G2E3: variants seen among roughly 807,000 people sequenced by gnomAD.
The protein encoded by G2E3 is G2/M-phase specific E3 ubiquitin protein ligase, also known as G2/M phase-specific E3 ubiquitin-protein ligase.
A neutral mutation model predicts 92.8 loss-of-function variants in G2E3; 35 were observed. That is an observed-to-expected ratio of 0.38 (90% CI 0.29 to 0.50). G2E3 has a LOEUF of 0.50. Among genes scored for constraint, G2E3 ranks in the 20% least tolerant of loss-of-function variants. G2E3 has a pLI of 0.94. For missense variants in G2E3, 554 were observed against 823.8 expected, an observed-to-expected ratio of 0.67 and a Z score of 4.01; for synonymous variants, 242 against 272.4, an observed-to-expected ratio of 0.89 and a Z score of 1.10.
chr14:30,587,682 C>T (rs184961259), intron 3 of G2E3, among the ~76,000 whole-genome samples: 7 of 152,194 alleles, frequency 4.6e-5, no homozygotes, highest in Admixed American at 2.6e-4. Context: ...CTCAATTTCT[C>T]CTAGCTAGCG....
intron 14 of G2E3, 43 bp downstream of exon 14, chr14:30,615,582 T>C (rs1373355145): frequency 8.1e-7 from 1 of 1,233,792 alleles, no homozygotes; most frequent in Non-Finnish European, 1.1e-6. Flanking sequence ...CTCAGAATAT[T>C]TGTTTCAGCA....
rs559715585 is a variant in G2E3 at position 30,609,162 on chromosome 14, TAA to T, written c.1500+1094_1500+1095del. Among the ~76,000 whole-genome samples the T allele has an allele frequency of 1.9e-3, 291 of 152,348 alleles. 1 individual carries two copies. Among genetic ancestry groups the T allele is most frequent in the African/African-American group, 6.6e-3 (275 of 41,584 alleles). On this transcript the variant is annotated intron_variant, in intron 12 of 14. Coordinates refer to ENST00000206595, the MANE Select transcript of G2E3 (RefSeq NM_017769.5). Reference sequence around the variant, plus strand: ...TTACAACAATTCTGTTTATTTGCCCTAAGACTGCTTATCCTAACATCATGTTT... The same window carrying T: ...TTACAACAATTCTGTTTATTTGCCCTGACTGCTTATCCTAACATCATGTTT...
At position 30,575,136 on chromosome 14, in the gene G2E3, A is replaced by G. The variant is rs1328139973; in HGVS notation, c.-4-5940A>G. On this transcript the variant is annotated intron_variant, in intron 1 of 14. Coordinates refer to ENST00000206595, the MANE Select transcript of G2E3 (RefSeq NM_017769.5). ...GCCATTCTGACTGGTGTGAGATGGT[A>G]TCTCATTGTAGTTTTGATTTGCATT... is the stretch of plus-strand genomic sequence containing the variant. Among the ~76,000 whole-genome samples, 7 of 152,158 alleles carry G rather than the reference A, an allele frequency of 4.6e-5. No individual in the cohort carries two copies. The East Asian group carries it at 7.7e-4, about 17-fold the overall frequency.
Position 30,575,185 on chromosome 14 carries a change from G to A in G2E3, c.-4-5891G>A, listed in dbSNP as rs375933207. On this transcript the variant is annotated intron_variant, in intron 1 of 14. Coordinates refer to ENST00000206595, the MANE Select transcript of G2E3 (RefSeq NM_017769.5). ...TTTCTCTAATGATTAGTGATGTTGA[G>A]CTTTTTTTCATATGCCTGTTGGTCG... is the stretch of plus-strand genomic sequence containing the variant. Among the ~76,000 whole-genome samples the A allele has an allele frequency of 3.0e-4, 45 of 152,148 alleles. 1 individual carries two copies. The highest frequency in any genetic ancestry group is 1.1e-3 in the African/African-American group (45 of 41,514).
intron 5 of G2E3, among the ~76,000 whole-genome samples, chr14:30,593,181 AATG>A: frequency 6.6e-6 from 1 of 152,278 alleles, no homozygotes; most frequent in South Asian, 2.1e-4. Flanking sequence ...TGAATACAAT[AATG>A]TATATACTGT....
intron 1 of G2E3, among the ~76,000 whole-genome samples, chr14:30,567,479 A>G (rs183156009): frequency 1.5e-4 from 23 of 152,038 alleles, no homozygotes; most frequent in African/African-American, 4.8e-4. Context: ...TTTTATTTGT[A>G]TTAGGTCTGT....
Position 30,602,196 on chromosome 14 carries a change from C to A in G2E3, c.1010+65C>A, listed in dbSNP as rs570859932. On this transcript the variant is annotated intron_variant, in intron 10 of 14. Transcript: ENST00000206595. ...TGGAGAAAATTATGATAGGAAATGC[C>A]ATATACATTTAGAATATTAGGTGAT... 7,080 of 1,268,362 alleles carry A rather than the reference C, an allele frequency of 5.6e-3. 32 individuals carry two copies. Among genetic ancestry groups the A allele is most frequent in the Non-Finnish European group, 7.2e-3 (6,379 of 891,670 alleles). 78.6% of individuals were successfully genotyped at this position (1,268,362 alleles called of 1,614,324 possible).
chr14:30,616,057 T>G (rs186040404), intron 14 of G2E3, among the ~76,000 whole-genome samples: 1 of 152,300 alleles, frequency 6.6e-6, no homozygotes, highest in East Asian at 1.9e-4. Context: ...AATAAGTAGT[T>G]GTACTAAATG....
At chr14:30,594,200 T>C (rs1457176259) in intron 6 of G2E3, among the ~76,000 whole-genome samples, 2 of 152,214 alleles carry the variant, frequency 1.3e-5, no homozygotes, top group Non-Finnish European at 2.9e-5. Flanking sequence ...ATTAGACAAT[T>C]TAATAATTCT....
intron 2 of G2E3, among the ~76,000 whole-genome samples, chr14:30,584,948 C>T (rs1880625970): frequency 1.3e-5 from 2 of 151,002 alleles, no homozygotes; most frequent in Admixed American, 1.3e-4. Flanking sequence ...TCTTCTTCCT[C>T]AGCCTCCCGA....
At chr14:30,574,988 G>A (rs1879989744) in intron 1 of G2E3, among the ~76,000 whole-genome samples, 1 of 152,076 alleles carries the variant, frequency 6.6e-6, no homozygotes, top group African/African-American at 2.4e-5. Flanking sequence ...TTTGCTCTTT[G>A]TGGATTGCCA....
intron 6 of G2E3, among the ~76,000 whole-genome samples, chr14:30,595,443 C>G (rs1230167420): frequency 6.6e-6 from 1 of 152,140 alleles, no homozygotes; most frequent in Non-Finnish European, 1.5e-5. Flanking sequence ...GAAAGGTTCT[C>G]ATACTTGACC....
At chr14:30,560,051 T>G (rs959539058) in intron 1 of G2E3, 3 of 152,158 alleles carry the variant, frequency 2.0e-5, no homozygotes, top group African/African-American at 7.2e-5. Context: ...TATGGAGTCT[T>G]TTTGGAAGTA....
intron 5 of G2E3, among the ~76,000 whole-genome samples, chr14:30,593,200 T>C (rs1472452315): frequency 6.6e-6 from 1 of 152,160 alleles, no homozygotes; most frequent in East Asian, 1.9e-4. Flanking sequence ...ACTGTATTGC[T>C]GACAATATTA....
Position 30,602,132 on chromosome 14 carries a change from G to A in G2E3, c.1010+1G>A. 6 of 1,591,896 alleles carry A rather than the reference G, an allele frequency of 3.8e-6. No homozygotes were observed. The highest frequency in any genetic ancestry group is 5.1e-6 in the Non-Finnish European group (6 of 1,171,570). ...GATCCCAGAGTAAAGATCTACTGAG[G>A]TATGTATTTTGAATTGGAGAAATAC... On this transcript the variant is annotated splice_donor_variant, in intron 10 of 14. Transcript: ENST00000206595. LOFTEE classifies it high-confidence loss of function.
chr14:30,600,693 C>T (rs1445519990), intron 8 of G2E3, among the ~76,000 whole-genome samples: 3 of 152,128 alleles, frequency 2.0e-5, no homozygotes, highest in Non-Finnish European at 2.9e-5. Flanking sequence ...TGTAATCTCA[C>T]GCCCTCTCAT....
chr14:30,589,913 C>T (rs1286474265), intron 4 of G2E3, among the ~76,000 whole-genome samples: 3 of 152,064 alleles, frequency 2.0e-5, no homozygotes, highest in Non-Finnish European at 4.4e-5. Context: ...TTAGAAATTA[C>T]ACAGCTTTCC....
intron 13 of G2E3, among the ~76,000 whole-genome samples, chr14:30,614,577 A>T (rs1869402454): frequency 6.6e-6 from 1 of 152,218 alleles, no homozygotes; most frequent in African/African-American, 2.4e-5. Context: ...CATTGCTGTT[A>T]TACTGGCCAT....
Position 30,618,856 on chromosome 14 carries a change from C to A in G2E3, c.*2322C>A, listed in dbSNP as rs796659116. The A allele has an allele frequency of 1.7e-4, 26 of 151,976 alleles. No homozygotes were observed. Among genetic ancestry groups the A allele is most frequent in the African/African-American group, 6.3e-4 (26 of 41,496 alleles). 9.4% of individuals were successfully genotyped at this position (151,976 alleles called of 1,614,324 possible). Reference sequence around the variant, plus strand: ...TTAATTTTATAACCAGTGCATAATTCTTACATTAGATTTTAAAAAAGAATT... The same window carrying A: ...TTAATTTTATAACCAGTGCATAATTATTACATTAGATTTTAAAAAAGAATT... On this transcript the variant is annotated 3_prime_UTR_variant, in exon 15 of 15. Transcript: ENST00000206595.
Sources: allele counts gnomAD v4.1 joint callset (sites outside exome capture counted in the v4.1 genomes callset), GRCh38; gene constraint gnomAD v4.1.1; transcripts MANE v1.5; gene names NCBI Gene and HGNC (gene_info 2026-07-23, HGNC 2026-07-21).